Variants in IGF2 observed in about 807,000 individuals in gnomAD.
The protein encoded by IGF2 is insulin like growth factor 2.
Under a neutral mutation model 12.0 loss-of-function variants are expected in IGF2, and 2 were observed. The observed-to-expected ratio is 0.17, with a 90% CI of 0.07 to 0.52. The LOEUF is 0.52. IGF2 is among the 20% of genes least tolerant of loss of function. IGF2 has a pLI of 0.95. For missense variants in IGF2, 211 were observed against 268.0 expected (o/e 0.79, Z 1.48); for synonymous variants, 105 against 110.1 (o/e 0.95, Z 0.29).
Position 2,129,455 on chromosome 11 carries a change from G to C in IGF2, c.*3532C>G, listed in dbSNP as rs1238788810. The C allele has an allele frequency of 8.7e-6, 2 of 229,748 alleles. No individual in the cohort carries two copies. Among genetic ancestry groups the C allele is most frequent in the African/African-American group, 4.4e-5 (2 of 45,128 alleles). 14.2% of individuals were successfully genotyped at this position (229,748 alleles called of 1,614,324 possible). A position where few individuals can be genotyped will look rare whatever the true frequency, so the allele number is the denominator to read the frequency against. ...CCCAGGGGAGAGCTGCAAACCTGGG[G>C]ACGCAAGGGGCTGGTCGGCAAGTGC... On this transcript the variant is annotated 3_prime_UTR_variant, in exon 4 of 4. Coordinates refer to ENST00000416167, the MANE Select transcript of IGF2 (RefSeq NM_000612.6). This position sits in a 1 kb window ranked among gnomAD's most constrained non-coding sequence, Gnocchi z 8.1.
chr11:2,138,892 C>A lies in IGF2; in HGVS notation c.-670G>T. 1.0e-6 allele frequency: 1 copy of A among 984,828 alleles called. No homozygotes were observed. The highest frequency in any genetic ancestry group is 1.2e-6 in the Non-Finnish European group (1 of 829,572). The allele number at this position is 984,828 out of a possible 1,614,324, so 61.0% of individuals were successfully genotyped here. ...ACTGGGGGGCGGAGTGGAGGCTGCA[C>A]CCGGACCGCGGGCGCCCAGCTCGGT... On this transcript the variant is annotated 5_prime_UTR_variant, in exon 1 of 4. Transcript: ENST00000416167.
rs1231830057 is a variant in IGF2 at position 2,129,505 on chromosome 11, G to A, written c.*3482C>T. 2 of 228,510 alleles carry A rather than the reference G, an allele frequency of 8.8e-6. No individual in the cohort carries two copies. Among genetic ancestry groups the A allele is most frequent in the Non-Finnish European group, 1.7e-5 (2 of 114,950 alleles). 14.2% of individuals were successfully genotyped at this position (228,510 alleles called of 1,614,324 possible). On this transcript the variant is annotated 3_prime_UTR_variant, in exon 4 of 4. Transcript: ENST00000416167. The surrounding 1 kb of genome is among the most constrained non-coding windows in gnomAD (Gnocchi z 8.1). ...CCCCCGGGAACACCCACTCCGGCGA[G>A]GCAGAATATAACACTGGGTGGGTGG...
rs1564895123 is a variant in IGF2 at position 2,133,733 on chromosome 11, G to C, written c.158-68C>G. 1.9e-6 allele frequency: 3 copies of C among 1,582,668 alleles called. No individual in the cohort carries two copies. The highest frequency in any genetic ancestry group is 1.4e-5 in the African/African-American group (1 of 73,930). ...CTGACCCCAGCCCCCGGAGGCTGAAGGGGGAGCAAACCACCCCTGCCCTCA... is the reference window on the plus strand; with the variant it reads ...CTGACCCCAGCCCCCGGAGGCTGAACGGGGAGCAAACCACCCCTGCCCTCA... On this transcript the variant is annotated intron_variant, in intron 2 of 3. Coordinates refer to ENST00000416167, the MANE Select transcript of IGF2 (RefSeq NM_000612.6). This position sits in a 1 kb window ranked among gnomAD's most constrained non-coding sequence, Gnocchi z 8.9.
At position 2,138,303 on chromosome 11, in the gene IGF2, C is replaced by A. The variant is rs1564898814; in HGVS notation, c.-81G>T. 2.0e-6 allele frequency: 2 copies of A among 984,844 alleles called. No homozygotes were observed. Among genetic ancestry groups the A allele is most frequent in the African/African-American group, 3.5e-5 (2 of 57,156 alleles). 61.0% of individuals were successfully genotyped at this position (984,844 alleles called of 1,614,324 possible). A position where few individuals can be genotyped will look rare whatever the true frequency, so the allele number is the denominator to read the frequency against. ...CGAACAGCGGGCGTTGGCCCTCCTG[C>A]CGGACACTCCTCTGCCAGCGCCGCT... is the stretch of plus-strand genomic sequence containing the variant. On this transcript the variant is annotated 5_prime_UTR_variant, in exon 1 of 4. Coordinates refer to ENST00000416167, the MANE Select transcript of IGF2 (RefSeq NM_000612.6).
At chr11:2,147,662 C>T in the IGF2 span, 1 of 1,250,068 alleles carries the variant, frequency 8.0e-7, no homozygotes, top group Non-Finnish European at 1.0e-6. The surrounding 1 kb of genome is among the most constrained non-coding windows in gnomAD (Gnocchi z 7.2). Flanking sequence ...CAGCAGCTCA[C>T]CTCAGGACTG....
Position 2,132,838 on chromosome 11 carries a change from GGGAGGCGGGGCACGGGGAC to G in IGF2, c.*130_*148del. 1 of 609,470 alleles carries G rather than the reference GGGAGGCGGGGCACGGGGAC, an allele frequency of 1.6e-6. No homozygotes were observed. Among genetic ancestry groups the G allele is most frequent in the Non-Finnish European group, 2.9e-6 (1 of 346,966 alleles). The allele number at this position is 609,470 out of a possible 1,614,324, so 37.8% of individuals were successfully genotyped here. ...GGGCCGAGGAGAGTAGCCTGTTTCG[GGGAGGCGGGGCACGGGGAC>G]TGGGTCAGGAGAAGCCCCAGGGGGA... On this transcript the variant is annotated 3_prime_UTR_variant, in exon 4 of 4. Transcript: ENST00000416167.
In IGF2 at chr11:2,138,593, G is replaced by A; in HGVS notation, c.-371C>T. The A allele has an allele frequency of 1.0e-6, 1 of 952,936 alleles. No individual in the cohort carries two copies. The highest frequency in any genetic ancestry group is 1.2e-6 in the Non-Finnish European group (1 of 801,788). 59.0% of individuals were successfully genotyped at this position (952,936 alleles called of 1,614,324 possible). On this transcript the variant is annotated 5_prime_UTR_variant, in exon 1 of 4. Transcript: ENST00000416167. ...GGCCGAAGAGAGGGCGAGGGGGAGA[G>A]AGGACAGCGAGAGGCGGGCAGGCGC... is the stretch of plus-strand genomic sequence containing the variant.
In IGF2 at chr11:2,138,293, G is replaced by A. The variant is rs1859240466; in HGVS notation, c.-71C>T. On this transcript the variant is annotated 5_prime_UTR_variant, in exon 1 of 4. Transcript: ENST00000416167. ...TGTCGCAAACCGAACAGCGGGCGTT[G>A]GCCCTCCTGCCGGACACTCCTCTGC... 1 of 985,060 alleles carries A rather than the reference G, an allele frequency of 1.0e-6. No individual in the cohort carries two copies. Among genetic ancestry groups the A allele is most frequent in the Non-Finnish European group, 1.2e-6 (1 of 829,782 alleles). 61.0% of individuals were successfully genotyped at this position (985,060 alleles called of 1,614,324 possible). A position where few individuals can be genotyped will look rare whatever the true frequency, so the allele number is the denominator to read the frequency against.
Position 2,130,182 on chromosome 11 carries a change from G to A in IGF2, c.*2805C>T, listed in dbSNP as rs766504615. 1.1e-4 allele frequency: 25 copies of A among 230,872 alleles called. No individual in the cohort carries two copies. Among genetic ancestry groups the A allele is most frequent in the Non-Finnish European group, 1.9e-4 (22 of 116,808 alleles). The allele number at this position is 230,872 out of a possible 1,614,324, so 14.3% of individuals were successfully genotyped here. A position where few individuals can be genotyped will look rare whatever the true frequency, so the allele number is the denominator to read the frequency against. On this transcript the variant is annotated 3_prime_UTR_variant, in exon 4 of 4. Coordinates refer to ENST00000416167, the MANE Select transcript of IGF2 (RefSeq NM_000612.6). ...CACACCTGCTAGCCCCTTCCCCTCC[G>A]GCCAGCCTCAGGCCAGCCAGGAGCC...
Position 2,133,193 on chromosome 11 carries a change from A to C in IGF2, c.337T>G (p.Phe113Val). ...DNFPRYPVGK[F>V]FQYDTWKQST... is the part of the protein sequence containing the mutation. ...TGCTTCCAGGTGTCATATTGGAAGA[A>C]CTTGCCCACGGGGTATCTGGGGAAG... The change falls in exon 4 of 4, where the codon TTC (phenylalanine) becomes GTC (valine). Residue 113 changes from phenylalanine to valine, a missense_variant. Physicochemically the swap from Phe to Val is conservative, Grantham distance 50 (BLOSUM62 -1). Coordinates refer to ENST00000416167, the MANE Select transcript of IGF2 (RefSeq NM_000612.6). This position sits in a 1 kb window ranked among gnomAD's most constrained non-coding sequence, Gnocchi z 8.9. 2 of 1,571,314 alleles carry C rather than the reference A, an allele frequency of 1.3e-6. No homozygotes were observed. The highest frequency in any genetic ancestry group is 1.7e-6 in the Non-Finnish European group (2 of 1,156,534).
Position 2,135,673 on chromosome 11 carries a change from C to G in IGF2, c.-6-144G>C, listed in dbSNP as rs3213224. ...TTTCCTATAAACATTATTTTTATTA[C>G]AAAAGTAACACACAGGTCATAATGC... On this transcript the variant is annotated intron_variant, in intron 1 of 3. Transcript: ENST00000416167. The G allele has an allele frequency of 1.9e-3, 1,397 of 717,616 alleles. 17 individuals carry two copies. The African/African-American group carries it at 0.021, about 11-fold the overall frequency. 44.5% of individuals were successfully genotyped at this position (717,616 alleles called of 1,614,324 possible). A position where few individuals can be genotyped will look rare whatever the true frequency, so the allele number is the denominator to read the frequency against.
At position 2,130,492 on chromosome 11, in the gene IGF2, G is replaced by A. The variant is rs892040446; in HGVS notation, c.*2495C>T. On this transcript the variant is annotated 3_prime_UTR_variant, in exon 4 of 4. Coordinates refer to ENST00000416167, the MANE Select transcript of IGF2 (RefSeq NM_000612.6). ...ACGTGGTGGTCTCCAGGCTGGCTTC[G>A]TGCGTTCTTGCTTTTGTCACTGCCC... is the stretch of plus-strand genomic sequence containing the variant. 7 of 220,806 alleles carry A rather than the reference G, an allele frequency of 3.2e-5. No homozygotes were observed. The highest frequency in any genetic ancestry group is 6.4e-5 in the East Asian group (1 of 15,616). The allele number at this position is 220,806 out of a possible 1,614,324, so 13.7% of individuals were successfully genotyped here.
chr11:2,140,957 AC>A (rs1193232006), upstream of IGF2: 1 of 321,850 alleles, frequency 3.1e-6, no homozygotes, highest in Non-Finnish European at 6.0e-6. Context: ...GGTGAGCGAG[AC>A]CCCGGGGCCA....
At chr11:2,137,539 G>T (rs993605705) in intron 1 of IGF2, among the ~76,000 whole-genome samples, 287 of 151,054 alleles carry the variant, frequency 1.9e-3, no homozygotes, top group African/African-American at 6.5e-3. Flanking sequence ...AGGGGGGGGG[G>T]GTCTCCTTCC....
At chr11:2,148,988 C>T in the IGF2 span, 21 of 793,902 alleles carry the variant, frequency 2.6e-5, no homozygotes, top group Non-Finnish European at 4.1e-5. The surrounding 1 kb of genome is among the most constrained non-coding windows in gnomAD (Gnocchi z 4.3). Flanking sequence ...GGCTTCCCTG[C>T]ACCCTCCAGC....
At chr11:2,148,843 G>A in the IGF2 span, 1 of 472,932 alleles carries the variant, frequency 2.1e-6, no homozygotes, top group Admixed American at 3.8e-5. The surrounding 1 kb of genome is among the most constrained non-coding windows in gnomAD (Gnocchi z 4.3). Context: ...CTCCCATTTT[G>A]CTTGGTGAAT....
At position 2,133,624 on chromosome 11, in the gene IGF2, C is replaced by T. The variant is rs1564894953; in HGVS notation, c.199G>A (p.Val67Ile). The change falls in exon 3 of 4, where the codon GTT becomes ATT. Residue 67 changes from valine (V) to isoleucine (I), a missense_variant. Around this residue, in one of 3 missense-constraint regions of IGF2, gnomAD observed 30 missense variants for 79.2 expected, o/e 0.38. Transcript: ENST00000416167. This position sits in a 1 kb window ranked among gnomAD's most constrained non-coding sequence, Gnocchi z 8.9. ...SRVSRRSRGI[V>I]EECCFRSCDL... is the part of the protein sequence containing the mutation. ...CAGCTGCGGAAACAGCACTCCTCAACGATGCCACGGCTGCGACGGCTCACA... is the reference window on the plus strand; with the variant it reads ...CAGCTGCGGAAACAGCACTCCTCAATGATGCCACGGCTGCGACGGCTCACA... 1.9e-6 allele frequency: 3 copies of T among 1,613,054 alleles called. No individual in the cohort carries two copies. Among genetic ancestry groups the T allele is most frequent in the Non-Finnish European group, 1.7e-6 (2 of 1,179,998 alleles).
chr11:2,145,968 A>G (rs1313546550), upstream of IGF2, among the ~76,000 whole-genome samples: 1 of 151,910 alleles, frequency 6.6e-6, no homozygotes, highest in East Asian at 1.9e-4. Context: ...GGGTGTTGGG[A>G]GGGGGCCAGG....
At chr11:2,147,701 G>A in the IGF2 span, 3 of 1,250,382 alleles carry the variant, frequency 2.4e-6, no homozygotes, top group Non-Finnish European at 3.0e-6. The surrounding 1 kb of genome is among the most constrained non-coding windows in gnomAD (Gnocchi z 7.2). Flanking sequence ...GGCTCAGGCT[G>A]TGGGGCAGGC....
Sources: allele counts gnomAD v4.1 joint callset (sites outside exome capture counted in the v4.1 genomes callset), GRCh38; gene constraint gnomAD v4.1.1; regional missense constraint gnomAD v4.1.1; non-coding constraint Gnocchi (gnomAD v3.1); transcripts MANE v1.5; gene names NCBI Gene and HGNC (gene_info 2026-07-23, HGNC 2026-07-21).